The following OSBPL9 variants were observed in gnomAD, a reference collection of about 807,000 sequenced individuals.
OSBPL9 encodes the protein oxysterol-binding protein-related protein 9.
A neutral mutation model predicts 106.6 loss-of-function variants in OSBPL9; 40 were observed. That is an observed-to-expected ratio of 0.38 (90% CI 0.29 to 0.49). OSBPL9 has a LOEUF of 0.49. Among genes scored for constraint, OSBPL9 ranks in the 20% least tolerant of loss-of-function variants. OSBPL9 has a pLI of 0.97. For missense variants in OSBPL9, 609 were observed against 887.2 expected, an observed-to-expected ratio of 0.69 and a Z score of 3.98; for synonymous variants, 269 against 295.4, an observed-to-expected ratio of 0.91 and a Z score of 0.92.
At chr1:51,746,649 G>A in intron 5 of OSBPL9, 61 bp from the exon 6 acceptor site, 2 of 1,176,442 alleles carry the variant, frequency 1.7e-6, no homozygotes, top group Non-Finnish European at 2.4e-6. Flanking sequence ...TCTGTGTTTA[G>A]TGAATGTACA....
chr1:51,540,023 T>C, the OSBPL9 span, among the ~76,000 whole-genome samples: 1 of 152,222 alleles, frequency 6.6e-6, no homozygotes, highest in African/African-American at 2.4e-5. Flanking sequence ...GATAAGCTCT[T>C]TCCTGCCAGC....
intron 1 of OSBPL9, among the ~76,000 whole-genome samples, chr1:51,581,354 A>G (rs1645220603): frequency 1.3e-5 from 2 of 152,190 alleles, no homozygotes; most frequent in African/African-American, 4.8e-5. Flanking sequence ...CATGCCATTA[A>G]CATGACTTAT....
intron 16 of OSBPL9, among the ~76,000 whole-genome samples, chr1:51,781,821 A>G (rs925494748): frequency 1.3e-5 from 2 of 152,100 alleles, no homozygotes; most frequent in African/African-American, 2.4e-5. Flanking sequence ...TGGCAGTGTC[A>G]TTTACTGATA....
At chr1:51,643,462 A>G (rs974095560) in intron 1 of OSBPL9, among the ~76,000 whole-genome samples, 22 of 152,110 alleles carry the variant, frequency 1.4e-4, no homozygotes, top group Admixed American at 1.4e-3. Context: ...GGCAATGAGA[A>G]CAATCCATGT....
chr1:51,602,503 A>G (rs1197360929), intron 2 of OSBPL9, among the ~76,000 whole-genome samples: 1 of 146,524 alleles, frequency 6.8e-6, no homozygotes, highest in African/African-American at 2.6e-5. Context: ...GCCCTTTGGA[A>G]CCCTGACCTC....
At chr1:51,587,478 C>T (rs1645252654) in intron 1 of OSBPL9, among the ~76,000 whole-genome samples, 1 of 152,252 alleles carries the variant, frequency 6.6e-6, no homozygotes, top group African/African-American at 2.4e-5. Flanking sequence ...TGAACTGCAT[C>T]TGTTCTTTGA....
chr1:51,555,323 C>G, the OSBPL9 span, among the ~76,000 whole-genome samples: 2 of 151,854 alleles, frequency 1.3e-5, no homozygotes, highest in African/African-American at 4.8e-5. Flanking sequence ...AACCCTGTCT[C>G]TACTAAAAAT....
intron 1 of OSBPL9, among the ~76,000 whole-genome samples, chr1:51,633,123 ATTT>A (rs1216747686): frequency 6.6e-6 from 1 of 151,544 alleles, no homozygotes; most frequent in Non-Finnish European, 1.5e-5. Context: ...CGCCTGGCTA[ATTT>A]TTTTATATTT....
chr1:51,686,157 G>A (rs1653749891), intron 3 of OSBPL9, among the ~76,000 whole-genome samples: 1 of 152,172 alleles, frequency 6.6e-6, no homozygotes, highest in African/African-American at 2.4e-5. Flanking sequence ...ATAAAAATGG[G>A]GTGCAGAGGA....
chr1:51,776,818 G>C lies in OSBPL9; in HGVS notation c.1171-15G>C, dbSNP rs1443050191. The stretch of plus-strand genomic sequence containing the variant: ...GAAATTTGATCTTCAAGGGTCAAAT[G>C]TGTATGTTTTTCAGGTAGTTCTTCC... On this transcript the variant is annotated splice_polypyrimidine_tract_variant and intron_variant, in intron 14 of 23. Coordinates refer to ENST00000428468, the MANE Select transcript of OSBPL9 (RefSeq NM_024586.6). The C allele has an allele frequency of 1.3e-6, 2 of 1,518,292 alleles. No homozygotes were observed. Among genetic ancestry groups the C allele is most frequent in the East Asian group, 4.5e-5 (2 of 44,174 alleles). The allele number at this position is 1,518,292 out of a possible 1,614,324, so 94.1% of individuals were successfully genotyped here.
chr1:51,681,092 C>T (rs532355725), intron 3 of OSBPL9, among the ~76,000 whole-genome samples: 15 of 152,154 alleles, frequency 9.9e-5, no homozygotes, highest in South Asian at 6.2e-4. Context: ...TATTCATTAA[C>T]GCTATTTATT....
chr1:51,672,994 G>A (rs1005824234), intron 3 of OSBPL9, among the ~76,000 whole-genome samples: 2 of 152,202 alleles, frequency 1.3e-5, no homozygotes, highest in Non-Finnish European at 2.9e-5. Context: ...CACATAGATG[G>A]TATTGAAAGC....
the OSBPL9 span, among the ~76,000 whole-genome samples, chr1:51,558,230 A>G: frequency 2.0e-5 from 3 of 152,066 alleles, no homozygotes; most frequent in Non-Finnish European, 2.9e-5. Flanking sequence ...CAGTGAGCCA[A>G]GATTGTGCCA....
chr1:51,644,571 G>A (rs1646027208), intron 1 of OSBPL9, among the ~76,000 whole-genome samples: 2 of 152,040 alleles, frequency 1.3e-5, no homozygotes, highest in Admixed American at 6.6e-5. Context: ...CATGTGATCT[G>A]TCCGCCTCAG....
rs1571760939 is a variant in OSBPL9 at position 51,781,224 on chromosome 1, A to C, written c.1317A>C (p.Ser439=). The change falls in exon 16 of 24, where the codon TCA becomes TCC. Residue 439 remains serine, a synonymous_variant. Transcript: ENST00000428468. ...TTCAGGTTGTGAAATGGTACCTCTCAGCCTTTCATGCGGGAAGGAAAGGAT... is the reference window on the plus strand; with the variant it reads ...TTCAGGTTGTGAAATGGTACCTCTCCGCCTTTCATGCGGGAAGGAAAGGAT... The part of the protein sequence containing the change: ...RMVQVVKWYL[S]AFHAGRKGSV... 1 of 1,614,158 alleles carries C rather than the reference A, an allele frequency of 6.2e-7. No homozygotes were observed. Among genetic ancestry groups the C allele is most frequent in the Non-Finnish European group, 8.5e-7 (1 of 1,180,022 alleles).
chr1:51,763,821 C>G (rs1672028367), intron 11 of OSBPL9, among the ~76,000 whole-genome samples: 2 of 152,072 alleles, frequency 1.3e-5, no homozygotes, highest in South Asian at 4.1e-4. Context: ...AAAAATAGTA[C>G]CTGTTTGTTG....
intron 3 of OSBPL9, among the ~76,000 whole-genome samples, chr1:51,694,283 A>G (rs1362685594): frequency 6.6e-6 from 1 of 152,222 alleles, no homozygotes; most frequent in Non-Finnish European, 1.5e-5. Flanking sequence ...AGTGAGAAGA[A>G]TGGCATCATG....
chr1:51,649,570 A>C (rs533972267), intron 1 of OSBPL9, among the ~76,000 whole-genome samples: 1 of 151,628 alleles, frequency 6.6e-6, no homozygotes, highest in African/African-American at 2.4e-5. Flanking sequence ...CTTTCTTTTT[A>C]TCAGATTTCT....
the OSBPL9 span, among the ~76,000 whole-genome samples, chr1:51,548,404 T>G: frequency 6.6e-6 from 1 of 151,586 alleles, no homozygotes; most frequent in East Asian, 1.9e-4. Flanking sequence ...TAGCTTGGTT[T>G]TTATTTTTTT....
Sources: gnomAD v4.1 joint callset for allele counts (sites outside exome capture counted in the v4.1 genomes callset) on GRCh38, gnomAD v4.1.1 for gene constraint, MANE v1.5 for transcripts, NCBI Gene and HGNC (gene_info 2026-07-23, HGNC 2026-07-21) for gene names.